Variants in PAX7 observed in about 807,000 individuals in gnomAD.
PAX7 encodes paired box protein Pax-7.
A neutral mutation model predicts 50.7 loss-of-function variants in PAX7; 18 were observed. The ratio of observed to expected loss-of-function variants is 0.36; its 90% CI spans 0.25 to 0.53. PAX7 has a LOEUF of 0.53. Among genes scored for constraint, PAX7 ranks in the 20% least tolerant of loss-of-function variants. The pLI is 0.93. For synonymous variants in PAX7, 310 were observed against 290.4 expected, an observed-to-expected ratio of 1.07 and a Z score of -0.69; for missense variants, 644 against 702.9, an observed-to-expected ratio of 0.92 and a Z score of 0.95.
At chr1:18,660,106 C>A (rs572345173) in intron 4 of PAX7, among the ~76,000 whole-genome samples, 1 of 152,250 alleles carries the variant, frequency 6.6e-6, no homozygotes, top group East Asian at 1.9e-4. Context: ...TCCTTATCAA[C>A]GCTCCCAAAT....
At chr1:18,638,818 C>A (rs2088202660) in intron 4 of PAX7, among the ~76,000 whole-genome samples, 1 of 152,184 alleles carries the variant, frequency 6.6e-6, no homozygotes, top group Non-Finnish European at 1.5e-5. Context: ...GGCAGGCACC[C>A]CTGTGAACCC....
chr1:18,725,403 T>C (rs2089551686), intron 7 of PAX7, among the ~76,000 whole-genome samples: 1 of 147,254 alleles, frequency 6.8e-6, no homozygotes, highest in Admixed American at 6.9e-5. Flanking sequence ...AAGGAGGCCC[T>C]CCTCCCTCCC....
At chr1:18,685,703 T>G (rs1216425050) in intron 4 of PAX7, among the ~76,000 whole-genome samples, 1 of 152,196 alleles carries the variant, frequency 6.6e-6, no homozygotes, top group African/African-American at 2.4e-5. Context: ...GGGAACTGTA[T>G]GGGATGGCAA....
At position 18,664,683 on chromosome 1, in the gene PAX7, G is replaced by C. The variant is rs1181670011; in HGVS notation, c.587-27071G>C. On this transcript the variant is annotated intron_variant, in intron 4 of 8. Coordinates refer to ENST00000420770, the MANE Select transcript of PAX7 (RefSeq NM_001135254.2). ...CAGTAAGTGATGGAATGTCAGATCT[G>C]GGGTGAGGCAGGGGCAGCTTGGGAC... Among the ~76,000 whole-genome samples, 4 of 152,230 alleles carry C rather than the reference G, an allele frequency of 2.6e-5. No individual in the cohort carries two copies. The South Asian group carries it at 6.2e-4, about 24-fold the overall frequency.
chr1:18,686,180 C>T (rs1011716649), intron 4 of PAX7, among the ~76,000 whole-genome samples: 2 of 152,238 alleles, frequency 1.3e-5, no homozygotes, highest in African/African-American at 4.8e-5. Context: ...CTCCATCTGA[C>T]TGGGAGCTTC....
chr1:18,654,060 G>T (rs576335908), intron 4 of PAX7, among the ~76,000 whole-genome samples: 4 of 152,004 alleles, frequency 2.6e-5, no homozygotes, highest in Non-Finnish European at 5.9e-5. Context: ...AACGCCGCCC[G>T]CAGCTGGCTG....
intron 8 of PAX7, among the ~76,000 whole-genome samples, chr1:18,742,370 A>C (rs754161956): frequency 1.8e-4 from 27 of 152,026 alleles, no homozygotes; most frequent in Non-Finnish European, 3.4e-4. Flanking sequence ...GTTAGCCAGG[A>C]TGGTCTCAAT....
At position 18,634,181 on chromosome 1, in the gene PAX7, G is replaced by C; in HGVS notation, c.86-122G>C. On this transcript the variant is annotated intron_variant, in intron 1 of 8. Coordinates refer to ENST00000420770, the MANE Select transcript of PAX7 (RefSeq NM_001135254.2). The surrounding 1 kb of genome is among the most constrained non-coding windows in gnomAD (Gnocchi z 4.0). ...GAAGCCCCAGTGTGAGGACCACCGG[G>C]ATTGCTGTCTGAGGTCTTGGGGCTC... 2.9e-6 allele frequency: 2 copies of C among 701,730 alleles called. No homozygotes were observed. Among genetic ancestry groups the C allele is most frequent in the South Asian group, 3.7e-5 (2 of 54,562 alleles). The allele number at this position is 701,730 out of a possible 1,614,324, so 43.5% of individuals were successfully genotyped here.
At chr1:18,666,531 T>C (rs2088671722) in intron 4 of PAX7, among the ~76,000 whole-genome samples, 1 of 152,202 alleles carries the variant, frequency 6.6e-6, no homozygotes, top group African/African-American at 2.4e-5. Flanking sequence ...TTTTCAGGGG[T>C]GCTAAGGGCC....
In PAX7 at chr1:18,700,518, C is replaced by A; in HGVS notation, c.787-135C>A. The A allele has an allele frequency of 1.3e-6, 1 of 755,392 alleles. No individual in the cohort carries two copies. Among genetic ancestry groups the A allele is most frequent in the Non-Finnish European group, 2.0e-6 (1 of 490,032 alleles). The allele number at this position is 755,392 out of a possible 1,614,324, so 46.8% of individuals were successfully genotyped here. ...TCACTCTGCAAAGCGTCCTGTGCTGCACAATGCCGGGGCCTGCAGGAGGAT... is the reference window on the plus strand; with the variant it reads ...TCACTCTGCAAAGCGTCCTGTGCTGAACAATGCCGGGGCCTGCAGGAGGAT... On this transcript the variant is annotated intron_variant, in intron 5 of 8. Coordinates refer to ENST00000420770, the MANE Select transcript of PAX7 (RefSeq NM_001135254.2). This position sits in a 1 kb window ranked among gnomAD's most constrained non-coding sequence, Gnocchi z 4.8.
rs753876632 is a variant in PAX7, at chr1:18,703,254, C to T, written c.1113C>T (p.Pro371=). Residue 371 remains proline (P), a synonymous_variant, in exon 7 of 9, where the codon CCC becomes CCT. Coordinates refer to ENST00000420770, the MANE Select transcript of PAX7 (RefSeq NM_001135254.2). Reference sequence around the variant, plus strand: ...ACAGCTTCATGAATCCGGCGGCGCCCTCCAACCACATGAACCCGGTCAGCA... The same window carrying T: ...ACAGCTTCATGAATCCGGCGGCGCCTTCCAACCACATGAACCCGGTCAGCA... The part of the protein sequence containing the change: ...YSDSFMNPAA[P]SNHMNPVSNG... 2.5e-6 allele frequency: 4 copies of T among 1,614,214 alleles called. No individual in the cohort carries two copies. Among genetic ancestry groups the T allele is most frequent in the Non-Finnish European group, 3.4e-6 (4 of 1,180,046 alleles).
At chr1:18,699,803 C>T (rs1273131104) in intron 5 of PAX7, among the ~76,000 whole-genome samples, 1 of 152,024 alleles carries the variant, frequency 6.6e-6, no homozygotes, top group Non-Finnish European at 1.5e-5. Flanking sequence ...CCTCGTGATC[C>T]GCCCGCCTCG....
chr1:18,671,294 A>C (rs2100237000), intron 4 of PAX7, among the ~76,000 whole-genome samples: 1 of 152,354 alleles, frequency 6.6e-6, no homozygotes, highest in Non-Finnish European at 1.5e-5. Flanking sequence ...AGTGCATGAG[A>C]GACAGAATAA....
intron 4 of PAX7, among the ~76,000 whole-genome samples, chr1:18,654,512 T>C (rs2088482877): frequency 6.6e-6 from 1 of 151,800 alleles, no homozygotes. Flanking sequence ...GCCTTCCTCC[T>C]TCCTAAATCT....
chr1:18,683,301 G>A (rs1333366738), intron 4 of PAX7, among the ~76,000 whole-genome samples: 8 of 152,180 alleles, frequency 5.3e-5, no homozygotes, highest in Admixed American at 3.3e-4. Flanking sequence ...CCAGAGCACC[G>A]AGGAAGGCTT....
chr1:18,692,792 C>G (rs1426683677), intron 5 of PAX7, among the ~76,000 whole-genome samples: 1 of 152,158 alleles, frequency 6.6e-6, no homozygotes, highest in East Asian at 1.9e-4. Flanking sequence ...CCCCAAAGAC[C>G]CTGAACATCC....
At chr1:18,742,048 G>A (rs2100417537) in intron 8 of PAX7, among the ~76,000 whole-genome samples, 1 of 151,920 alleles carries the variant, frequency 6.6e-6, no homozygotes, top group South Asian at 2.1e-4. Context: ...AATGGAAAAT[G>A]AGCACAAAAT....
At chr1:18,711,685 G>C (rs2089353315) in intron 7 of PAX7, among the ~76,000 whole-genome samples, 1 of 152,016 alleles carries the variant, frequency 6.6e-6, no homozygotes, top group African/African-American at 2.4e-5. Flanking sequence ...GGCATGGGCT[G>C]AGTGGTTTTT....
At chr1:18,665,652 C>T (rs1016832514) in intron 4 of PAX7, among the ~76,000 whole-genome samples, 6 of 147,694 alleles carry the variant, frequency 4.1e-5, no homozygotes, top group East Asian at 2.0e-4. Context: ...GGATTACAGG[C>T]GTGAGCCACT....
Sources: gnomAD v4.1 joint callset for allele counts (sites outside exome capture counted in the v4.1 genomes callset) on GRCh38, gnomAD v4.1.1 for gene constraint, Gnocchi (gnomAD v3.1) non-coding constraint, MANE v1.5 for transcripts, NCBI Gene and HGNC (gene_info 2026-07-23, HGNC 2026-07-21) for gene names.